The following DLGAP1 variants were observed in gnomAD, a reference collection of about 807,000 sequenced individuals.
DLGAP1 encodes the protein DLG associated protein 1.
DLGAP1 carries 11 observed loss-of-function variants against 90.8 expected under a neutral mutation model. The observed-to-expected ratio is 0.12, with a 90% CI of 0.08 to 0.20. The LOEUF is 0.20. Among genes scored for constraint, DLGAP1 ranks in the 10% least tolerant of loss-of-function variants. The probability of loss-of-function intolerance (pLI) is 1.00; values close to 1 mark genes in which losing one functional copy is unlikely to be tolerated. For missense variants in DLGAP1, 1,050 were observed against 1,333.8 expected, an observed-to-expected ratio of 0.79 and a Z score of 3.31; for synonymous variants, 558 against 540.7, an observed-to-expected ratio of 1.03 and a Z score of -0.44.
At chr18:3,786,159 T>C (rs1395464554) in intron 5 of DLGAP1, among the ~76,000 whole-genome samples, 1 of 152,198 alleles carries the variant, frequency 6.6e-6, no homozygotes, top group Non-Finnish European at 1.5e-5. Context: ...GATCCTGAAC[T>C]TAATCACATC....
At chr18:3,657,918 T>C (rs970926399) in intron 7 of DLGAP1, among the ~76,000 whole-genome samples, 7 of 152,204 alleles carry the variant, frequency 4.6e-5, no homozygotes, top group Non-Finnish European at 1.0e-4. Flanking sequence ...TGGAATTCTT[T>C]TGTTCATCTT....
At chr18:4,355,742 C>CT (rs56040788) in intron 1 of DLGAP1, among the ~76,000 whole-genome samples, 7,305 of 124,656 alleles carry the variant, frequency 0.059, 347 homozygotes, top group African/African-American at 0.11. Flanking sequence ...AATCCGGGAT[C>CT]TTTTTTTTTT....
intron 1 of DLGAP1, among the ~76,000 whole-genome samples, chr18:4,389,260 A>C (rs933379997): frequency 3.9e-5 from 6 of 152,224 alleles, no homozygotes; most frequent in Admixed American, 2.6e-4. Context: ...AGCCAGTCAC[A>C]AAAAGATGAA....
intron 1 of DLGAP1, among the ~76,000 whole-genome samples, chr18:4,333,961 A>G (rs62085602): frequency 0.059 from 8,774 of 148,744 alleles, 375 homozygotes; most frequent in Non-Finnish European, 0.082. Flanking sequence ...ACCTCAGGCC[A>G]GGTGCGGTGG....
rs201055349 is a variant in DLGAP1, at chr18:3,745,206, AG to A, written c.1173-2695del. Among the ~76,000 whole-genome samples the A allele has an allele frequency of 6.6e-3, 1,010 of 152,336 alleles. 13 individuals carry two copies. Among genetic ancestry groups the A allele is most frequent in the African/African-American group, 0.022 (925 of 41,570 alleles). The stretch of plus-strand genomic sequence containing the variant: ...GAAAGCATAGGAAGATGGTGGCATT[AG>A]GAAGTGATATCTGAAGGGTATGGAG... On this transcript the variant is annotated intron_variant, in intron 5 of 12. Transcript: ENST00000315677.
At chr18:3,745,953 T>G (rs759440719) in intron 5 of DLGAP1, among the ~76,000 whole-genome samples, 1 of 152,178 alleles carries the variant, frequency 6.6e-6, no homozygotes, top group Non-Finnish European at 1.5e-5. Flanking sequence ...CCTCCCCAAG[T>G]GCTGGGATTA....
chr18:3,695,033 G>A (rs536191151), intron 7 of DLGAP1, among the ~76,000 whole-genome samples: 128 of 150,504 alleles, frequency 8.5e-4, no homozygotes, highest in Non-Finnish European at 1.1e-3. Context: ...TCCGCCTCCT[G>A]GGTTCATGCC....
chr18:3,602,412 A>G (rs977593794), intron 7 of DLGAP1, among the ~76,000 whole-genome samples: 22 of 152,036 alleles, frequency 1.4e-4, no homozygotes, highest in South Asian at 2.1e-4. Flanking sequence ...TGGCTAAGAC[A>G]GTGAAACCCC....
intron 3 of DLGAP1, among the ~76,000 whole-genome samples, chr18:3,966,714 G>A (rs1021623434): frequency 1.3e-5 from 2 of 152,194 alleles, no homozygotes; most frequent in Non-Finnish European, 2.9e-5. Context: ...TGAGGTAAGT[G>A]AGGATTTTGT....
rs1171956828 is a variant in DLGAP1, at chr18:4,061,783, C to T, written c.-158-56582G>A. Reference sequence around the variant, plus strand: ...AATTGTTACAGTAAATTATGTGTGCCACAGAGGTAACAAATTTTCTATCAG... The same window carrying T: ...AATTGTTACAGTAAATTATGTGTGCTACAGAGGTAACAAATTTTCTATCAG... On this transcript the variant is annotated intron_variant, in intron 2 of 12. Transcript: ENST00000315677. 2.0e-5 allele frequency among the ~76,000 whole-genome samples: 3 copies of T among 152,140 alleles called. No individual in the cohort carries two copies. The East Asian group carries it at 5.8e-4, about 29-fold the overall frequency.
chr18:3,562,816 TTTTG>T (rs1037964284), intron 9 of DLGAP1, among the ~76,000 whole-genome samples: 5 of 151,886 alleles, frequency 3.3e-5, no homozygotes, highest in Admixed American at 2.0e-4. Context: ...CTTTTATCTT[TTTTG>T]TTTGTTTGTT....
chr18:4,303,975 T>C (rs2080189440), intron 1 of DLGAP1, among the ~76,000 whole-genome samples: 1 of 152,224 alleles, frequency 6.6e-6, no homozygotes, highest in African/African-American at 2.4e-5. Flanking sequence ...AACCCATGTG[T>C]TATTCCTAAG....
intron 4 of DLGAP1, among the ~76,000 whole-genome samples, chr18:3,817,731 T>C (rs2067177080): frequency 6.6e-6 from 1 of 152,178 alleles, no homozygotes; most frequent in African/African-American, 2.4e-5. Context: ...AAGAGTGAAA[T>C]GTTACTGCCT....
At chr18:4,332,118 T>C (rs1039820245) in intron 1 of DLGAP1, among the ~76,000 whole-genome samples, 1 of 151,912 alleles carries the variant, frequency 6.6e-6, no homozygotes, top group Admixed American at 6.6e-5. Context: ...AATAAGGCTT[T>C]CTTGAGGATG....
chr18:4,198,972 A>C (rs1002276287), intron 1 of DLGAP1, among the ~76,000 whole-genome samples: 8 of 152,232 alleles, frequency 5.3e-5, no homozygotes, highest in African/African-American at 1.9e-4. Flanking sequence ...AGGGCCAGCA[A>C]GAGGCTGCTC....
At chr18:3,600,855 GATATAT>G (rs1174024467) in intron 7 of DLGAP1, among the ~76,000 whole-genome samples, 337 of 31,332 alleles carry the variant, frequency 0.011, 23 homozygotes, top group East Asian at 0.039. Flanking sequence ...TAGATATATA[GATATAT>G]ATAGATATAT....
At chr18:3,654,272 C>T (rs941487997) in intron 7 of DLGAP1, among the ~76,000 whole-genome samples, 1 of 152,150 alleles carries the variant, frequency 6.6e-6, no homozygotes, top group African/African-American at 2.4e-5. Flanking sequence ...GGACTAGCCC[C>T]AAGCAGTCAC....
intron 1 of DLGAP1, among the ~76,000 whole-genome samples, chr18:4,341,042 A>G (rs1468257690): frequency 6.6e-6 from 1 of 152,176 alleles, no homozygotes; most frequent in East Asian, 1.9e-4. Context: ...ATATTATTTA[A>G]GAGTTAAGGA....
In DLGAP1 at chr18:4,370,894, A is replaced by G. The variant is rs138662343; in HGVS notation, c.-267+84112T>C. On this transcript the variant is annotated intron_variant, in intron 1 of 12. Coordinates refer to ENST00000315677, the MANE Select transcript of DLGAP1 (RefSeq NM_004746.4). ...CCAATTATATTTTCAGTAATATATC[A>G]TTCCACAATAGTGGGCCTAGTGTTG... 7.9e-5 allele frequency among the ~76,000 whole-genome samples: 12 copies of G among 152,302 alleles called. 1 individual carries two copies. Among genetic ancestry groups the G allele is most frequent in the African/African-American group, 2.9e-4 (12 of 41,564 alleles).
Sources: gnomAD v4.1 joint callset for allele counts (sites outside exome capture counted in the v4.1 genomes callset) on GRCh38, gnomAD v4.1.1 for gene constraint, MANE v1.5 for transcripts, NCBI Gene and HGNC (gene_info 2026-07-23, HGNC 2026-07-21) for gene names.